Variants in EXOC4 observed in about 807,000 individuals in gnomAD.
The protein encoded by EXOC4 is SEC8-like 1.
Under a neutral mutation model 107.2 loss-of-function variants are expected in EXOC4, and 71 were observed. The observed-to-expected ratio is 0.66, with a 90% CI of 0.55 to 0.81. The LOEUF (loss-of-function observed/expected upper bound fraction) is 0.81. Among genes scored for constraint, EXOC4 ranks in the 30% least tolerant of loss-of-function variants. EXOC4 has a pLI of 0.00. For synonymous variants in EXOC4, 456 were observed against 441.2 expected (o/e 1.03, Z -0.42); for missense variants, 1,108 against 1,189.6 (o/e 0.93, Z 1.01).
chr7:133,272,992 C>T (rs1006604127), intron 1 of EXOC4, among the ~76,000 whole-genome samples: 2 of 152,096 alleles, frequency 1.3e-5, no homozygotes, highest in African/African-American at 4.8e-5. Context: ...GAGCGGAAAT[C>T]ATGAAAAGCC....
intron 14 of EXOC4, 53 bp from the exon 15 acceptor site, chr7:133,997,439 A>G: frequency 6.2e-7 from 1 of 1,601,750 alleles, no homozygotes; most frequent in Admixed American, 1.7e-5. Flanking sequence ...GTCATTTCAG[A>G]AAAATCTGTA....
intron 14 of EXOC4, among the ~76,000 whole-genome samples, chr7:133,943,084 A>G (rs1800469422): frequency 6.6e-6 from 1 of 152,190 alleles, no homozygotes; most frequent in Admixed American, 6.5e-5. Flanking sequence ...CATACTAGCC[A>G]TGTCTCAAAT....
chr7:133,559,991 C>T (rs574802103), intron 9 of EXOC4, among the ~76,000 whole-genome samples: 1 of 152,186 alleles, frequency 6.6e-6, no homozygotes, highest in Non-Finnish European at 1.5e-5. Flanking sequence ...ACATATATCT[C>T]ATTCTGGACT....
chr7:133,533,273 G>C (rs1011967526), intron 9 of EXOC4, among the ~76,000 whole-genome samples: 2 of 152,066 alleles, frequency 1.3e-5, no homozygotes, highest in African/African-American at 2.4e-5. Flanking sequence ...AGACTGTTAT[G>C]TCTGGTATAT....
intron 5 of EXOC4, among the ~76,000 whole-genome samples, chr7:133,330,597 G>A (rs893557306): frequency 6.6e-6 from 1 of 152,166 alleles, no homozygotes; most frequent in Admixed American, 6.5e-5. Context: ...TGCAAAGACT[G>A]TGAGAAAAGT....
intron 6 of EXOC4, among the ~76,000 whole-genome samples, chr7:133,365,080 G>A (rs1233139083): frequency 6.6e-6 from 1 of 152,158 alleles, no homozygotes; most frequent in East Asian, 1.9e-4. Flanking sequence ...AGCTGGACAT[G>A]TTGAGAAGCG....
rs1459693037 is a variant in EXOC4, at chr7:133,516,742, G to A, written c.1417+36604G>A. Among the ~76,000 whole-genome samples the A allele has an allele frequency of 1.5e-4, 3 of 19,592 alleles. No individual in the cohort carries two copies. The Admixed American group carries it at 1.8e-3, about 12-fold the overall frequency. The allele number at this position is 19,592 out of a possible 152,430, so 12.9% of individuals were successfully genotyped here. On this transcript the variant is annotated intron_variant, in intron 9 of 17. Transcript: ENST00000253861. ...TCGGGGTTTATTCTTTTGGGAAACT[G>A]CCAAACTAGCTGCTCATTTTTTTTT...
intron 7 of EXOC4, among the ~76,000 whole-genome samples, chr7:133,381,463 G>A (rs73724575): frequency 0.03 from 4,512 of 152,180 alleles, 220 homozygotes; most frequent in African/African-American, 0.1. Flanking sequence ...AGAGGAGATG[G>A]GAAATGGCAC....
At chr7:133,563,426 C>T (rs973586399) in intron 9 of EXOC4, among the ~76,000 whole-genome samples, 1 of 152,172 alleles carries the variant, frequency 6.6e-6, no homozygotes, top group Non-Finnish European at 1.5e-5. Flanking sequence ...CTCGTTTCTC[C>T]TCCATCTTAC....
chr7:134,018,909 G>A (rs891353101), intron 17 of EXOC4, among the ~76,000 whole-genome samples: 11 of 151,748 alleles, frequency 7.2e-5, no homozygotes. Context: ...TATTACTTTC[G>A]ATGTATGTTT....
chr7:133,647,278 A>G (rs1803016000), intron 10 of EXOC4, among the ~76,000 whole-genome samples: 1 of 152,186 alleles, frequency 6.6e-6, no homozygotes, highest in Non-Finnish European at 1.5e-5. Context: ...CTAATTATGT[A>G]AGGGTACATT....
At chr7:133,983,916 A>T (rs1244475513) in intron 14 of EXOC4, among the ~76,000 whole-genome samples, 1 of 152,318 alleles carries the variant, frequency 6.6e-6, no homozygotes, top group South Asian at 2.1e-4. Context: ...CATATCCGGC[A>T]GGAGCTGAAT....
At chr7:134,051,960 T>G (rs1795802799) in intron 17 of EXOC4, among the ~76,000 whole-genome samples, 1 of 151,420 alleles carries the variant, frequency 6.6e-6, no homozygotes, top group Non-Finnish European at 1.5e-5. Context: ...CACTCCAGCC[T>G]GGGCAATAGA....
intron 9 of EXOC4, among the ~76,000 whole-genome samples, chr7:133,586,753 T>G (rs1298520881): frequency 1.3e-5 from 2 of 152,190 alleles, no homozygotes; most frequent in East Asian, 3.9e-4. Context: ...TTTGACATGC[T>G]GTTGTTTATC....
intron 7 of EXOC4, among the ~76,000 whole-genome samples, chr7:133,386,626 C>G (rs981594090): frequency 2.0e-5 from 3 of 152,142 alleles, no homozygotes; most frequent in Non-Finnish European, 2.9e-5. Context: ...GATACGTGTA[C>G]CATAACGTGT....
chr7:133,405,307 GA>G (rs1797191199), intron 7 of EXOC4, among the ~76,000 whole-genome samples: 2 of 151,946 alleles, frequency 1.3e-5, no homozygotes, highest in South Asian at 4.2e-4. Context: ...GAAGAGGAGG[GA>G]AAAGATCTGG....
chr7:134,089,459 G>A, the EXOC4 span, among the ~76,000 whole-genome samples: 1 of 152,084 alleles, frequency 6.6e-6, no homozygotes, highest in Non-Finnish European at 1.5e-5. Flanking sequence ...TTTTAATTAT[G>A]TACTAGTGTG....
At chr7:133,557,808 T>C (rs1800722641) in intron 9 of EXOC4, among the ~76,000 whole-genome samples, 1 of 152,104 alleles carries the variant, frequency 6.6e-6, no homozygotes, top group African/African-American at 2.4e-5. Context: ...CTAACCAACA[T>C]GGCGAAATCC....
chr7:133,296,773 A>G (rs1168838495), intron 3 of EXOC4, among the ~76,000 whole-genome samples: 1 of 152,074 alleles, frequency 6.6e-6, no homozygotes. Flanking sequence ...TTATTGCACT[A>G]AAGCCTACGA....
Sources: allele counts gnomAD v4.1 joint callset (sites outside exome capture counted in the v4.1 genomes callset), GRCh38; gene constraint gnomAD v4.1.1; transcripts MANE v1.5; gene names NCBI Gene and HGNC (gene_info 2026-07-23, HGNC 2026-07-21).